Variants in TEX101 observed in about 807,000 individuals in gnomAD.
The protein encoded by TEX101 is testis expressed 101, also known as testis-expressed protein 101.
In TEX101, 10 loss-of-function variants were observed where a neutral mutation model predicts 18.1. The observed-to-expected ratio is 0.55, with a 90% CI of 0.34 to 0.94. The LOEUF (loss-of-function observed/expected upper bound fraction) is 0.94, where lower values mean the gene tolerates loss of function less well. Among genes scored for constraint, TEX101 ranks in the 40% least tolerant of loss-of-function variants. The pLI, the probability that TEX101 is intolerant of heterozygous loss-of-function variation, is 0.02. For missense variants in TEX101, 259 were observed against 298.9 expected, an observed-to-expected ratio of 0.87 and a Z score of 0.98; for synonymous variants, 94 against 114.8, an observed-to-expected ratio of 0.82 and a Z score of 1.16.
upstream of TEX101, among the ~76,000 whole-genome samples, chr19:43,401,137 AG>A (rs1232795123): frequency 6.6e-6 from 1 of 152,222 alleles, no homozygotes; most frequent in Non-Finnish European, 1.5e-5. Flanking sequence ...TATTGAATAA[AG>A]CTGAGAAGAG....
upstream of TEX101, among the ~76,000 whole-genome samples, chr19:43,413,401 C>T (rs191955238): frequency 2.0e-5 from 3 of 149,974 alleles, no homozygotes; most frequent in Non-Finnish European, 2.9e-5. Context: ...ACTCGGGAGG[C>T]GGAGGCAGGA....
the TEX101 span, among the ~76,000 whole-genome samples, chr19:43,391,292 T>C: frequency 6.6e-6 from 1 of 152,050 alleles, no homozygotes; most frequent in African/African-American, 2.4e-5. Context: ...TTTTGGTGAG[T>C]CTATGATTAA....
At chr19:43,416,025 G>T in intron 2 of TEX101, 42 bp downstream of exon 2, 7 of 1,611,902 alleles carry the variant, frequency 4.3e-6, no homozygotes, top group Non-Finnish European at 5.9e-6. Context: ...TGTCACAGAA[G>T]GTGGACTGAT....
chr19:43,402,649 C>G (rs563371640), intron 1 of TEX101: 1 of 151,882 alleles, frequency 6.6e-6, no homozygotes, highest in African/African-American at 2.4e-5. Context: ...GGCACAATCT[C>G]GGTTCACTGC....
the TEX101 span, among the ~76,000 whole-genome samples, chr19:43,392,914 C>A: frequency 1.3e-5 from 2 of 151,914 alleles, no homozygotes; most frequent in Non-Finnish European, 2.9e-5. Flanking sequence ...AAAAATTAGC[C>A]GGATGTGGTG....
intron 3 of TEX101, among the ~76,000 whole-genome samples, chr19:43,406,942 T>TTG (rs1467984303): frequency 6.6e-6 from 1 of 151,158 alleles, no homozygotes; most frequent in African/African-American, 2.4e-5. Flanking sequence ...TTTTTTTTTT[T>TTG]TTTTTTGACA....
chr19:43,403,159 G>C (rs1249409554), intron 2 of TEX101, among the ~76,000 whole-genome samples: 2 of 152,098 alleles, frequency 1.3e-5, no homozygotes, highest in Non-Finnish European at 2.9e-5. Context: ...AATCAACATT[G>C]ATCTGGTGCC....
At chr19:43,392,475 G>A in the TEX101 span, among the ~76,000 whole-genome samples, 2 of 152,102 alleles carry the variant, frequency 1.3e-5, no homozygotes, top group Non-Finnish European at 1.5e-5. Context: ...TTGCAGCAGA[G>A]ACACCTCACT....
At chr19:43,415,210 C>T (rs1439670567) in intron 1 of TEX101, among the ~76,000 whole-genome samples, 172 bp downstream of exon 1, 1 of 148,764 alleles carries the variant, frequency 6.7e-6, no homozygotes, top group Non-Finnish European at 1.5e-5. Flanking sequence ...CTCAGAATCC[C>T]GGGTTCTGAT....
At chr19:43,416,690 AT>A in intron 4 of TEX101, 135 bp downstream of exon 4, 1 of 846,360 alleles carries the variant, frequency 1.2e-6, no homozygotes. Flanking sequence ...AAGTAATTTT[AT>A]GTTTCTGAAT....
chr19:43,391,331 G>T, the TEX101 span, among the ~76,000 whole-genome samples: 1 of 151,178 alleles, frequency 6.6e-6, no homozygotes, highest in African/African-American at 2.4e-5. Context: ...CAGTGGTTGT[G>T]CCATATTACA....
intron 1 of TEX101, among the ~76,000 whole-genome samples, chr19:43,415,554 G>C (rs1394864702): frequency 6.6e-6 from 1 of 152,094 alleles, no homozygotes; most frequent in Non-Finnish European, 1.5e-5. Context: ...CTGAGATCAG[G>C]AGTTCGAGAC....
chr19:43,403,005 CAA>C (rs1313683540), intron 2 of TEX101: 2 of 152,146 alleles, frequency 1.3e-5, no homozygotes, highest in African/African-American at 2.4e-5. Context: ...AAAGAAAAAA[CAA>C]AAGATAGAAA....
chr19:43,401,801 TGCCATTGCACTCCA>T (rs1407289714), intron 1 of TEX101, among the ~76,000 whole-genome samples: 1 of 151,714 alleles, frequency 6.6e-6, no homozygotes, highest in Non-Finnish European at 1.5e-5. Context: ...CTGGAGATTG[TGCCATTGCACTCCA>T]GCCTGGGCAA....
upstream of TEX101, among the ~76,000 whole-genome samples, chr19:43,400,158 C>A (rs1970307311): frequency 6.6e-6 from 1 of 152,142 alleles, no homozygotes; most frequent in Non-Finnish European, 1.5e-5. Context: ...ATGATAATTT[C>A]CTGCTTTGGC....
At chr19:43,401,303 T>C (rs1310537211), upstream of TEX101, among the ~76,000 whole-genome samples, 1 of 152,242 alleles carries the variant, frequency 6.6e-6, no homozygotes, top group Non-Finnish European at 1.5e-5. Flanking sequence ...AAGCAATGTA[T>C]AGACACACAA....
chr19:43,399,802 A>ATT (rs71169230), upstream of TEX101, among the ~76,000 whole-genome samples: 25 of 113,252 alleles, frequency 2.2e-4, no homozygotes, highest in Middle Eastern at 5.3e-3. Context: ...CCTATGTCCT[A>ATT]TTTTTTTTTT....
At chr19:43,414,017 G>A (rs1489655911), upstream of TEX101, among the ~76,000 whole-genome samples, 4 of 152,004 alleles carry the variant, frequency 2.6e-5, no homozygotes, top group African/African-American at 9.7e-5. Context: ...CCAGCTACCT[G>A]GGAGGCTGTG....
chr19:43,390,578 C>T, the TEX101 span, among the ~76,000 whole-genome samples: 3 of 145,226 alleles, frequency 2.1e-5, no homozygotes, highest in Admixed American at 2.1e-4. Context: ...ACCGATTCTC[C>T]TGCCTCAGCC....
Sources: gnomAD v4.1 joint callset for allele counts (sites outside exome capture counted in the v4.1 genomes callset) on GRCh38, gnomAD v4.1.1 for gene constraint, MANE v1.5 for transcripts, NCBI Gene and HGNC (gene_info 2026-07-23, HGNC 2026-07-21) for gene names.